PTCH2: variants seen among roughly 807,000 people sequenced by gnomAD.
PTCH2 encodes protein patched homolog 2.
Under a neutral mutation model 117.9 loss-of-function variants are expected in PTCH2, and 96 were observed. The ratio of observed to expected loss-of-function variants is 0.81; its 90% CI spans 0.69 to 0.96. PTCH2 has a LOEUF of 0.96. PTCH2 is among the 50% of genes least tolerant of loss of function. The pLI is 0.00. For synonymous variants in PTCH2, 615 were observed against 660.9 expected, an observed-to-expected ratio of 0.93 and a Z score of 1.06; for missense variants, 1,379 against 1,562.5, an observed-to-expected ratio of 0.88 and a Z score of 1.98.
At chr1:44,841,206 A>T (rs756647831) in intron 2 of PTCH2, among the ~76,000 whole-genome samples, 1 of 130,356 alleles carries the variant, frequency 7.7e-6, no homozygotes, top group Non-Finnish European at 1.7e-5. Flanking sequence ...CCCCCCCAAA[A>T]AAAAACCCCA....
At chr1:44,830,796 A>T (rs1653410136) in intron 6 of PTCH2, 52 bp downstream of exon 6, 9 of 1,489,990 alleles carry the variant, frequency 6.0e-6, no homozygotes, top group Non-Finnish European at 8.1e-6. Flanking sequence ...AGTATGAGGA[A>T]GGGAAAGGGA....
In PTCH2 at chr1:44,822,181, C is replaced by G; in HGVS notation, c.*234G>C. 1 of 1,434,526 alleles carries G rather than the reference C, an allele frequency of 7.0e-7. No homozygotes were observed. Among genetic ancestry groups the G allele is most frequent in the Non-Finnish European group, 9.1e-7 (1 of 1,099,700 alleles). The allele number at this position is 1,434,526 out of a possible 1,614,324, so 88.9% of individuals were successfully genotyped here. A position where few individuals can be genotyped will look rare whatever the true frequency, so the allele number is the denominator to read the frequency against. On this transcript the variant is annotated 3_prime_UTR_variant, in exon 22 of 22. Transcript: ENST00000372192. Reference sequence around the variant, plus strand: ...GGGGGACAGGGCTGCACTGCAGCCCCAAGTGCCAGCTTTCACTCTCAAGTG... The same window carrying G: ...GGGGGACAGGGCTGCACTGCAGCCCGAAGTGCCAGCTTTCACTCTCAAGTG...
chr1:44,822,440 C>G lies in PTCH2; in HGVS notation c.3587G>C (p.Arg1196Thr), dbSNP rs1486341815. The G allele has an allele frequency of 1.2e-6, 2 of 1,613,904 alleles. No individual in the cohort carries two copies. Among genetic ancestry groups the G allele is most frequent in the East Asian group, 4.5e-5 (2 of 44,880 alleles). The change falls in exon 22 of 22, where the codon AGG becomes ACG. Residue 1196 changes from arginine (R) to threonine (T), a missense_variant. Arg to Thr is a moderately conservative substitution (Grantham distance 71). Coordinates refer to ENST00000372192, the MANE Select transcript of PTCH2 (RefSeq NM_003738.5). ...TCACCCAGTGGCTGGACCTGGTCCC[C>G]TGGAACTGAGGTTGCCAGAGCTAGT... ...AATSSGNLSS[R>T]GPGPATG
At chr1:44,835,661 C>G (rs145719371) in intron 2 of PTCH2, among the ~76,000 whole-genome samples, 74 of 152,294 alleles carry the variant, frequency 4.9e-4, no homozygotes, top group African/African-American at 1.5e-3. Flanking sequence ...GGGACTTAAG[C>G]TTTCTCTAGG....
At chr1:44,839,383 A>AAAAAAAC (rs1231819055) in intron 2 of PTCH2, among the ~76,000 whole-genome samples, 1 of 146,640 alleles carries the variant, frequency 6.8e-6, no homozygotes, top group Non-Finnish European at 1.5e-5. Flanking sequence ...AAAAAAAAAA[A>AAAAAAAC]CAGAAAGAAA....
intron 2 of PTCH2, among the ~76,000 whole-genome samples, chr1:44,838,365 C>T (rs1653778580): frequency 4.0e-5 from 6 of 151,604 alleles, no homozygotes; most frequent in Admixed American, 3.9e-4. Context: ...CCACAGCCTC[C>T]CCAGTAGCTG....
chr1:44,830,047 G>A lies in PTCH2; in HGVS notation c.814-17C>T. 2.5e-6 allele frequency: 4 copies of A among 1,613,828 alleles called. No homozygotes were observed. The highest frequency in any genetic ancestry group is 3.4e-6 in the Non-Finnish European group (4 of 1,179,896). On this transcript the variant is annotated splice_polypyrimidine_tract_variant and intron_variant, in intron 6 of 21. Coordinates refer to ENST00000372192, the MANE Select transcript of PTCH2 (RefSeq NM_003738.5). ...ATTGGGAGCCTGGAGGGGAACAGGA[G>A]GGGTTAATGCTCAAGGCCCTGGCCG...
Position 44,827,311 on chromosome 1 carries a change from T to TG in PTCH2, c.2372-3dup, listed in dbSNP as rs1653198805. ...CCTGGTCAAAGGCAGCCTGGATTCC[T>TG]GGGGGAGACCAGGATAGGGTTCTAT... On this transcript the variant is annotated splice_polypyrimidine_tract_variant and splice_region_variant and intron_variant, in intron 15 of 21. Coordinates refer to ENST00000372192, the MANE Select transcript of PTCH2 (RefSeq NM_003738.5). The TG allele has an allele frequency of 6.2e-7, 1 of 1,613,728 alleles. No homozygotes were observed. Among genetic ancestry groups the TG allele is most frequent in the Admixed American group, 1.7e-5 (1 of 60,008 alleles).
chr1:44,839,996 T>A (rs1653870194), intron 2 of PTCH2, among the ~76,000 whole-genome samples: 1 of 151,658 alleles, frequency 6.6e-6, no homozygotes, highest in South Asian at 2.1e-4. Flanking sequence ...GCTGAGGGAG[T>A]CTACAAAATG....
intron 11 of PTCH2, 40 bp from the exon 12 acceptor site, chr1:44,828,671 G>A (rs1186924389): frequency 9.4e-6 from 15 of 1,599,366 alleles, no homozygotes. Flanking sequence ...AGGTCACAAG[G>A]GAGGGGCCGT....
chr1:44,827,754 C>T (rs1172825609), intron 14 of PTCH2, 40 bp from the exon 15 acceptor site: 3 of 1,609,322 alleles, frequency 1.9e-6, no homozygotes, highest in African/African-American at 2.7e-5. Context: ...CCCAGGGCTG[C>T]CCCCAGCCCC....
Position 44,828,347 on chromosome 1 carries a change from T to C in PTCH2, c.1658A>G (p.Asp553Gly). ...MLVFPAILSL[D>G]LRRRHCQRLD... is the part of the protein sequence containing the mutation. ...GCGCTGGCAGTGGCGCCGCCGTAGG[T>C]CCAGGCTGAGGATGGCTGGGAAGAC... The change falls in exon 13 of 22, where the codon GAC (aspartate) becomes GGC (glycine). Residue 553 changes from aspartate to glycine, a missense_variant. Transcript: ENST00000372192. The C allele has an allele frequency of 6.2e-7, 1 of 1,614,102 alleles. No individual in the cohort carries two copies. Among genetic ancestry groups the C allele is most frequent in the Non-Finnish European group, 8.5e-7 (1 of 1,179,988 alleles).
chr1:44,826,816 A>T lies in PTCH2; in HGVS notation c.2696-48T>A. 1 of 1,608,074 alleles carries T rather than the reference A, an allele frequency of 6.2e-7. No homozygotes were observed. The highest frequency in any genetic ancestry group is 8.5e-7 in the Non-Finnish European group (1 of 1,175,854). ...GAAGAGGGAGAGGGACAGGGCGGTG[A>T]GCACGGGGCAGAGTGGGCAGGGCCT... On this transcript the variant is annotated intron_variant, in intron 17 of 21. Transcript: ENST00000372192. This position sits in a 1 kb window ranked among gnomAD's most constrained non-coding sequence, Gnocchi z 5.1.
At chr1:44,819,891 G>C (rs146347925), downstream of PTCH2, 1 of 153,086 alleles carries the variant, frequency 6.5e-6, no homozygotes, top group Non-Finnish European at 1.5e-5. Flanking sequence ...GTAGCCTCAG[G>C]AAATAAGAGG....
Position 44,829,000 on chromosome 1 carries a change from C to G in PTCH2, c.1446G>C (p.Leu482=). The G allele has an allele frequency of 6.4e-7, 1 of 1,561,306 alleles. No homozygotes were observed. Among genetic ancestry groups the G allele is most frequent in the Non-Finnish European group, 8.7e-7 (1 of 1,152,590 alleles). ...FLLAHAFTEA[L]PGTPLQERMG... Reference sequence around the variant, plus strand: ...GCCCCACCTGGAGAGGGGTGCCAGGCAGAGCCTCTGTGAAGGCATGCGCCA... The same window carrying G: ...GCCCCACCTGGAGAGGGGTGCCAGGGAGAGCCTCTGTGAAGGCATGCGCCA... The change falls in exon 11 of 22, where the codon CTG becomes CTC. Residue 482 remains leucine (L), a synonymous_variant. Coordinates refer to ENST00000372192, the MANE Select transcript of PTCH2 (RefSeq NM_003738.5).
At chr1:44,842,451 T>TG (rs1653996036) in intron 1 of PTCH2, among the ~76,000 whole-genome samples, 1 of 151,926 alleles carries the variant, frequency 6.6e-6, no homozygotes, top group South Asian at 2.1e-4. Context: ...TGCTAATTTT[T>TG]TATTTTTAGT....
rs967177359 is a variant in PTCH2 at position 44,831,689 on chromosome 1, C to T, written c.617+17G>A. The T allele has an allele frequency of 5.8e-6, 9 of 1,547,990 alleles. No homozygotes were observed. The highest frequency in any genetic ancestry group is 7.0e-6 in the Non-Finnish European group (8 of 1,142,782). On this transcript the variant is annotated intron_variant, in intron 5 of 21. Coordinates refer to ENST00000372192, the MANE Select transcript of PTCH2 (RefSeq NM_003738.5). This position sits in a 1 kb window ranked among gnomAD's most constrained non-coding sequence, Gnocchi z 4.3. ...CCCCAGCGGGAGATGAAGCAGGGCCCCAGGAGTGGCACTCACGGCAGGTAG... is the reference window on the plus strand; with the variant it reads ...CCCCAGCGGGAGATGAAGCAGGGCCTCAGGAGTGGCACTCACGGCAGGTAG...
At chr1:44,842,614 A>G (rs775459336) in intron 1 of PTCH2, among the ~76,000 whole-genome samples, 1 of 152,092 alleles carries the variant, frequency 6.6e-6, no homozygotes, top group Non-Finnish European at 1.5e-5. Context: ...ATACATATGT[A>G]CACACACCTG....
intron 1 of PTCH2, among the ~76,000 whole-genome samples, chr1:44,842,432 A>G (rs938984097): frequency 4.6e-5 from 7 of 151,784 alleles, no homozygotes; most frequent in African/African-American, 1.7e-4. Flanking sequence ...GGCGCCCGCC[A>G]CCACGCCCTG....
Sources: allele counts gnomAD v4.1 joint callset (sites outside exome capture counted in the v4.1 genomes callset), GRCh38; gene constraint gnomAD v4.1.1; non-coding constraint Gnocchi (gnomAD v3.1); transcripts MANE v1.5; gene names NCBI Gene and HGNC (gene_info 2026-07-23, HGNC 2026-07-21).